Variants in PDE11A observed in about 807,000 individuals in gnomAD.
The protein encoded by PDE11A is phosphodiesterase 11A.
Under a neutral mutation model 100.5 loss-of-function variants are expected in PDE11A, and 100 were observed. The ratio of observed to expected loss-of-function variants is 1.00; its 90% CI spans 0.85 to 1.18. The LOEUF (loss-of-function observed/expected upper bound fraction) is 1.18. Ranked by LOEUF, PDE11A falls within the 50% of genes most tolerant of loss-of-function variation. The pLI is 0.00. For synonymous variants in PDE11A, 381 were observed against 420.8 expected (o/e 0.91, Z 1.16); for missense variants, 1,141 against 1,152.6 (o/e 0.99, Z 0.15).
chr2:177,695,163 G>A (rs565238287), intron 15 of PDE11A, among the ~76,000 whole-genome samples: 10 of 151,560 alleles, frequency 6.6e-5, no homozygotes, highest in South Asian at 4.2e-4. Context: ...ATTTGTTTCC[G>A]TTAAAAATAA....
At chr2:177,670,607 T>C (rs1437226286) in intron 17 of PDE11A, among the ~76,000 whole-genome samples, 1 of 152,164 alleles carries the variant, frequency 6.6e-6, no homozygotes, top group African/African-American at 2.4e-5. Flanking sequence ...TTTTCTCTAT[T>C]CCAAGTTCTT....
chr2:177,660,574 TTGTTTTCCCTCAA>T (rs1475715898), intron 19 of PDE11A, among the ~76,000 whole-genome samples: 2 of 152,354 alleles, frequency 1.3e-5, no homozygotes, highest in East Asian at 3.9e-4. Flanking sequence ...GAGTTCCTCA[TTGTTTTCCCTCAA>T]TGTAGTAAAA....
At chr2:177,795,646 C>T (rs370571574) in intron 9 of PDE11A, among the ~76,000 whole-genome samples, 2 of 151,910 alleles carry the variant, frequency 1.3e-5, no homozygotes, top group Non-Finnish European at 2.9e-5. Context: ...TTGAAGATAA[C>T]CCCAAGCAGG....
chr2:177,995,645 CA>C (rs1559036098), intron 2 of PDE11A, among the ~76,000 whole-genome samples: 9 of 104,856 alleles, frequency 8.6e-5, no homozygotes, highest in African/African-American at 2.5e-4. Context: ...CCACAAACAC[CA>C]CCCACCCCGC....
At chr2:177,677,365 G>A (rs1387620138) in intron 16 of PDE11A, among the ~76,000 whole-genome samples, 2 of 152,212 alleles carry the variant, frequency 1.3e-5, no homozygotes, top group Non-Finnish European at 2.9e-5. Context: ...GTTATTAAGT[G>A]TCAAAGCTGG....
intron 2 of PDE11A, among the ~76,000 whole-genome samples, chr2:178,000,222 G>GA (rs1559037862): frequency 6.6e-6 from 1 of 151,538 alleles, no homozygotes; most frequent in Non-Finnish European, 1.5e-5. Context: ...ATTCAGAAAA[G>GA]AAGGGAAAAA....
intron 5 of PDE11A, among the ~76,000 whole-genome samples, chr2:177,872,713 A>C (rs1293546987): frequency 2.6e-5 from 4 of 152,196 alleles, no homozygotes; most frequent in Admixed American, 6.5e-5. Context: ...TATAGTGATG[A>C]TGTTAAATGA....
chr2:177,724,045 T>C (rs1438783933), intron 12 of PDE11A, among the ~76,000 whole-genome samples: 1 of 152,146 alleles, frequency 6.6e-6, no homozygotes, highest in African/African-American at 2.4e-5. Context: ...AGAAAATTTA[T>C]ATGATGATCA....
At chr2:177,827,615 T>A (rs1278448745) in intron 6 of PDE11A, among the ~76,000 whole-genome samples, 4 of 152,224 alleles carry the variant, frequency 2.6e-5, no homozygotes, top group Non-Finnish European at 4.4e-5. Flanking sequence ...ACTGACTAAA[T>A]AATGGCTTGT....
chr2:177,891,015 G>A (rs12465539), intron 4 of PDE11A, among the ~76,000 whole-genome samples: 1 of 151,992 alleles, frequency 6.6e-6, no homozygotes, highest in Admixed American at 6.6e-5. Context: ...AACTTCTATT[G>A]ATATTTGAAT....
chr2:177,873,176 G>A (rs76419016), intron 5 of PDE11A, among the ~76,000 whole-genome samples: 1,727 of 152,200 alleles, frequency 0.011, 26 homozygotes, highest in East Asian at 0.075. Flanking sequence ...AAGTGACCAT[G>A]AGAACATGTT....
upstream of PDE11A, among the ~76,000 whole-genome samples, chr2:178,076,375 T>C (rs568379345): frequency 4.6e-5 from 7 of 152,350 alleles, no homozygotes; most frequent in East Asian, 7.7e-4. Context: ...AAACATTGGG[T>C]GGCAGGCAAG....
intron 9 of PDE11A, among the ~76,000 whole-genome samples, chr2:177,798,912 A>C (rs938728117): frequency 9.2e-5 from 14 of 152,138 alleles, no homozygotes; most frequent in African/African-American, 3.1e-4. Flanking sequence ...AGAAAGAGGA[A>C]AAAAGAGTAA....
chr2:177,637,573 A>T (rs143865016), intron 19 of PDE11A, among the ~76,000 whole-genome samples: 1 of 151,580 alleles, frequency 6.6e-6, no homozygotes, highest in African/African-American at 2.4e-5. Context: ...CCAAGTTTTA[A>T]AAGTGCTGGT....
chr2:177,747,051 C>A (rs1184356615), intron 10 of PDE11A, among the ~76,000 whole-genome samples: 1 of 152,116 alleles, frequency 6.6e-6, no homozygotes, highest in Non-Finnish European at 1.5e-5. Flanking sequence ...GAAAAGCAAG[C>A]ATTCTGTAAT....
chr2:177,639,829 C>T (rs1285800932), intron 19 of PDE11A, among the ~76,000 whole-genome samples: 1 of 152,074 alleles, frequency 6.6e-6, no homozygotes, highest in African/African-American at 2.4e-5. Flanking sequence ...AGAAGTCATG[C>T]TCTTAGAAAA....
At chr2:177,883,076 A>G (rs983719009) in intron 4 of PDE11A, among the ~76,000 whole-genome samples, 2 of 151,940 alleles carry the variant, frequency 1.3e-5, no homozygotes, top group Non-Finnish European at 2.9e-5. Flanking sequence ...CGAGACCAGC[A>G]TGACCAACAT....
At chr2:178,086,927 T>C (rs897428186) in intron 2 of PDE11A, among the ~76,000 whole-genome samples, 2 of 152,228 alleles carry the variant, frequency 1.3e-5, no homozygotes, top group African/African-American at 4.8e-5. Context: ...CTACTGGGTA[T>C]CTACCCAAAG....
At chr2:177,642,881 G>T (rs561745350) in intron 19 of PDE11A, among the ~76,000 whole-genome samples, 43 of 152,282 alleles carry the variant, frequency 2.8e-4, no homozygotes, top group African/African-American at 1.0e-3. Flanking sequence ...CTATTCTCGT[G>T]ATAGTGAATA....
Sources: gnomAD v4.1 joint callset for allele counts (sites outside exome capture counted in the v4.1 genomes callset) on GRCh38, gnomAD v4.1.1 for gene constraint, MANE v1.5 for transcripts, NCBI Gene and HGNC (gene_info 2026-07-23, HGNC 2026-07-21) for gene names.